Variants in SGCZ observed in about 807,000 individuals in gnomAD.
The protein encoded by SGCZ is zeta-sarcoglycan.
In SGCZ, 40 loss-of-function variants were observed where a neutral mutation model predicts 41.3. The ratio of observed to expected loss-of-function variants is 0.97; its 90% CI spans 0.75 to 1.26. SGCZ has a LOEUF of 1.26. Ranked by LOEUF, SGCZ falls within the 50% of genes most tolerant of loss-of-function variation. SGCZ has a pLI of 0.00. For synonymous variants in SGCZ, 206 were observed against 137.5 expected, an observed-to-expected ratio of 1.50 and a Z score of -3.49; for missense variants, 552 against 369.8, an observed-to-expected ratio of 1.49 and a Z score of -4.04.
chr8:14,948,696 A>G (rs1035346682), intron 1 of SGCZ, among the ~76,000 whole-genome samples: 1 of 152,104 alleles, frequency 6.6e-6, no homozygotes, highest in Non-Finnish European at 1.5e-5. Context: ...CCTCAAGCCT[A>G]ATGTTACTTT....
chr8:14,195,972 T>C (rs1805255010), intron 4 of SGCZ, among the ~76,000 whole-genome samples: 1 of 152,054 alleles, frequency 6.6e-6, no homozygotes, highest in Non-Finnish European at 1.5e-5. Context: ...AAATAAAGGG[T>C]AGTGACCACC....
In SGCZ at chr8:14,217,871, T is replaced by C. The variant is rs570780441; in HGVS notation, c.424+19721A>G. Among the ~76,000 whole-genome samples the C allele has an allele frequency of 8.7e-4, 133 of 152,130 alleles. 1 individual carries two copies. The highest frequency in any genetic ancestry group is 3.0e-3 in the African/African-American group (124 of 41,512). On this transcript the variant is annotated intron_variant, in intron 4 of 7. Transcript: ENST00000382080. Reference sequence around the variant, plus strand: ...GTCTTGAACTCCTGACTTCAAGTGATCCACCCGCCTCAGCCTCCCAAAGTG... The same window carrying C: ...GTCTTGAACTCCTGACTTCAAGTGACCCACCCGCCTCAGCCTCCCAAAGTG...
intron 5 of SGCZ, among the ~76,000 whole-genome samples, chr8:14,146,680 G>A (rs551967042): frequency 2.6e-5 from 4 of 151,710 alleles, no homozygotes; most frequent in African/African-American, 4.8e-5. Context: ...AGACCATCCC[G>A]GCTAAAACAG....
rs189087734 is a variant in SGCZ, at chr8:14,097,683, T to C, written c.744+4693A>G. On this transcript the variant is annotated intron_variant, in intron 7 of 7. Transcript: ENST00000382080. ...TTGTTGATCTGACTAATATTGACAG[T>C]GGGGTGTTAAAGTCTCTCACTATTA... Among the ~76,000 whole-genome samples the C allele has an allele frequency of 2.3e-3, 352 of 152,248 alleles. 5 individuals carry two copies. The highest frequency in any genetic ancestry group is 0.022 in the Admixed American group (331 of 15,282).
At chr8:15,023,113 A>C (rs1171551880) in intron 1 of SGCZ, among the ~76,000 whole-genome samples, 1 of 152,220 alleles carries the variant, frequency 6.6e-6, no homozygotes, top group African/African-American at 2.4e-5. Flanking sequence ...AGCTGTCATC[A>C]TCTGTTTCTA....
chr8:15,173,839 A>C (rs972884994), intron 1 of SGCZ, among the ~76,000 whole-genome samples: 1 of 152,134 alleles, frequency 6.6e-6, no homozygotes, highest in African/African-American at 2.4e-5. Context: ...TCTAGGGCTC[A>C]AGTGATCCTC....
intron 1 of SGCZ, among the ~76,000 whole-genome samples, chr8:14,760,087 C>G (rs1486037187): frequency 6.6e-6 from 1 of 152,198 alleles, no homozygotes; most frequent in African/African-American, 2.4e-5. Context: ...ATGATGAGCA[C>G]TGCTCTCAAA....
At chr8:14,810,497 A>C (rs1801706429) in intron 1 of SGCZ, among the ~76,000 whole-genome samples, 1 of 152,046 alleles carries the variant, frequency 6.6e-6, no homozygotes, top group Non-Finnish European at 1.5e-5. Flanking sequence ...AATAAGAATG[A>C]AGCTCCAAGT....
chr8:14,108,579 G>C (rs1354457010), intron 5 of SGCZ, among the ~76,000 whole-genome samples: 1 of 152,020 alleles, frequency 6.6e-6, no homozygotes, highest in African/African-American at 2.4e-5. Context: ...TCACGACCGT[G>C]AGAACATTAT....
chr8:14,188,831 TTTGTTTG>T (rs748257604), intron 4 of SGCZ, among the ~76,000 whole-genome samples: 9 of 23,272 alleles, frequency 3.9e-4, no homozygotes, highest in Admixed American at 1.8e-3. Context: ...TTTGTTTTTT[TTTGTTTG>T]TTTGTTTTTT....
At chr8:14,455,522 G>T (rs1038500774) in intron 2 of SGCZ, among the ~76,000 whole-genome samples, 1 of 151,114 alleles carries the variant, frequency 6.6e-6, no homozygotes, top group Admixed American at 6.6e-5. Context: ...CCTTTCAATA[G>T]ATAGATAATA....
At chr8:14,814,997 AT>A (rs1423097265) in intron 1 of SGCZ, among the ~76,000 whole-genome samples, 2 of 151,870 alleles carry the variant, frequency 1.3e-5, no homozygotes, top group South Asian at 4.2e-4. Context: ...TTCTGCCTCC[AT>A]TTTTTCTTGT....
chr8:14,271,961 C>T (rs1800079490), intron 3 of SGCZ, among the ~76,000 whole-genome samples: 1 of 152,094 alleles, frequency 6.6e-6, no homozygotes, highest in East Asian at 1.9e-4. Context: ...GGCCATTGGA[C>T]AAATTTTCAT....
chr8:14,636,191 C>T (rs188266578), intron 1 of SGCZ, among the ~76,000 whole-genome samples: 47 of 151,820 alleles, frequency 3.1e-4, no homozygotes, highest in African/African-American at 8.9e-4. Flanking sequence ...GTAGATGAAG[C>T]GGCAGACATA....
At position 14,408,948 on chromosome 8, in the gene SGCZ, A is replaced by AGTGTGT. The variant is rs775874986; in HGVS notation, c.235-84745_235-84744insACACAC. ...TAAAAGCTAACACATTTTTAAATTA[A>AGTGTGT]GAGAGTGTGTGTGTGTGTGTGTGCA... is the stretch of plus-strand genomic sequence containing the variant. On this transcript the variant is annotated intron_variant, in intron 2 of 7. Transcript: ENST00000382080. 8.4e-3 allele frequency among the ~76,000 whole-genome samples: 945 copies of AGTGTGT among 112,184 alleles called. 13 individuals carry two copies. The highest frequency in any genetic ancestry group is 0.026 in the African/African-American group (858 of 32,600). 73.6% of individuals were successfully genotyped at this position (112,184 alleles called of 152,430 possible). A position where few individuals can be genotyped will look rare whatever the true frequency, so the allele number is the denominator to read the frequency against.
chr8:14,482,034 A>T (rs979220832), intron 2 of SGCZ, among the ~76,000 whole-genome samples: 6 of 152,174 alleles, frequency 3.9e-5, no homozygotes, highest in Non-Finnish European at 8.8e-5. Flanking sequence ...AGTTAAAGGG[A>T]CAGAAATGCT....
intron 3 of SGCZ, among the ~76,000 whole-genome samples, chr8:14,238,139 C>T (rs1806835206): frequency 6.6e-6 from 1 of 152,216 alleles, no homozygotes; most frequent in Non-Finnish European, 1.5e-5. Context: ...AATCCTCAAA[C>T]TCCCAATGTC....
intron 2 of SGCZ, among the ~76,000 whole-genome samples, chr8:14,370,625 A>G (rs1432282198): frequency 6.6e-6 from 1 of 151,940 alleles, no homozygotes; most frequent in East Asian, 1.9e-4. Flanking sequence ...TTTATATTGA[A>G]AGAATTAAAT....
At chr8:15,190,472 A>G (rs1180262395) in intron 1 of SGCZ, among the ~76,000 whole-genome samples, 2 of 152,120 alleles carry the variant, frequency 1.3e-5, no homozygotes, top group Non-Finnish European at 2.9e-5. Flanking sequence ...AGTCAGAGAA[A>G]TAGGCAAGTC....
Sources: gnomAD v4.1 joint callset for allele counts (sites outside exome capture counted in the v4.1 genomes callset) on GRCh38, gnomAD v4.1.1 for gene constraint, MANE v1.5 for transcripts, NCBI Gene and HGNC (gene_info 2026-07-23, HGNC 2026-07-21) for gene names.